The following DCAF6 variants were observed in gnomAD, a reference collection of about 807,000 sequenced individuals.
DCAF6 encodes DDB1 and CUL4 associated factor 6.
DCAF6 carries 54 observed loss-of-function variants against 125.1 expected under a neutral mutation model. The ratio of observed to expected loss-of-function variants is 0.43; its 90% CI spans 0.35 to 0.54. The LOEUF (loss-of-function observed/expected upper bound fraction) is 0.54, where lower values mean the gene tolerates loss of function less well. DCAF6 is among the 20% of genes least tolerant of loss of function. DCAF6 has a pLI of 0.01. For synonymous variants in DCAF6, 371 were observed against 390.4 expected (o/e 0.95, Z 0.58); for missense variants, 934 against 1,161.7 (o/e 0.80, Z 2.85).
At chr1:168,035,560 C>T (rs1687697044) in intron 12 of DCAF6, among the ~76,000 whole-genome samples, 1 of 152,170 alleles carries the variant, frequency 6.6e-6, no homozygotes, top group Non-Finnish European at 1.5e-5. Flanking sequence ...GAAATAACTA[C>T]ACTCAGGGAC....
chr1:167,944,835 G>C (rs1253555868), intron 1 of DCAF6, among the ~76,000 whole-genome samples: 1 of 152,070 alleles, frequency 6.6e-6, no homozygotes, highest in Non-Finnish European at 1.5e-5. Flanking sequence ...CTGTTTTCTA[G>C]TATCTTTATA....
At chr1:168,035,472 C>T (rs1032781529) in intron 12 of DCAF6, among the ~76,000 whole-genome samples, 8 of 152,076 alleles carry the variant, frequency 5.3e-5, no homozygotes, top group Non-Finnish European at 1.0e-4. Flanking sequence ...ACAAAACAAC[C>T]TGGAGTTGAA....
chr1:168,041,176 T>C (rs978632174), intron 13 of DCAF6, among the ~76,000 whole-genome samples: 3 of 152,080 alleles, frequency 2.0e-5, no homozygotes, highest in African/African-American at 7.2e-5. Flanking sequence ...AGCACATTGA[T>C]TGGCACCTGA....
At chr1:167,961,282 G>T (rs982626920) in intron 2 of DCAF6, among the ~76,000 whole-genome samples, 1 of 151,852 alleles carries the variant, frequency 6.6e-6, no homozygotes, top group African/African-American at 2.4e-5. Context: ...TTGCTCTGTC[G>T]CCCAGGCTGG....
At chr1:167,963,529 C>T (rs111523265) in intron 2 of DCAF6, among the ~76,000 whole-genome samples, 16,230 of 150,888 alleles carry the variant, frequency 0.11, 983 homozygotes, top group African/African-American at 0.16. Context: ...CTACCTCCGC[C>T]TCCCAGGTTC....
chr1:168,022,836 C>A, intron 11 of DCAF6, 152 bp from the exon 12 acceptor site: 1 of 691,510 alleles, frequency 1.4e-6, no homozygotes, highest in Non-Finnish European at 2.6e-6. Flanking sequence ...AAGCACATGG[C>A]CCTGCTTACT....
At chr1:168,018,002 T>A (rs1000832426) in intron 11 of DCAF6, among the ~76,000 whole-genome samples, 15 of 152,316 alleles carry the variant, frequency 9.8e-5, no homozygotes, top group Non-Finnish European at 1.3e-4. Context: ...CAAGAAATTT[T>A]AAAAAGTATA....
At chr1:167,885,333 G>C in the DCAF6 span, among the ~76,000 whole-genome samples, 2 of 152,124 alleles carry the variant, frequency 1.3e-5, no homozygotes, top group Non-Finnish European at 2.9e-5. Flanking sequence ...TTGTATGGTA[G>C]CTCTATTTTT....
intron 4 of DCAF6, among the ~76,000 whole-genome samples, chr1:167,986,738 G>T (rs1180597680): frequency 2.0e-5 from 3 of 152,146 alleles, no homozygotes; most frequent in African/African-American, 7.2e-5. Context: ...CTCACCTGCT[G>T]CTCACTACCT....
intron 12 of DCAF6, among the ~76,000 whole-genome samples, chr1:168,026,140 G>A (rs1456284624): frequency 6.6e-6 from 1 of 151,926 alleles, no homozygotes; most frequent in African/African-American, 2.4e-5. Flanking sequence ...TTCTTCCTTT[G>A]TGACTTGTTA....
chr1:167,936,112 G>A (rs948019576), upstream of DCAF6: 6 of 526,596 alleles, frequency 1.1e-5, no homozygotes, highest in African/African-American at 7.7e-5. Flanking sequence ...CATGGCAACA[G>A]GTGCCAAAAT....
the DCAF6 span, chr1:167,870,514 C>T: frequency 5.7e-5 from 61 of 1,065,200 alleles, no homozygotes; most frequent in Admixed American, 1.0e-4. Context: ...ATCCTTGGGC[C>T]AGGCGCTGTG....
At chr1:168,034,415 G>A (rs148860537) in intron 12 of DCAF6, among the ~76,000 whole-genome samples, 419 of 152,298 alleles carry the variant, frequency 2.8e-3, no homozygotes, top group Admixed American at 7.5e-3. Context: ...GGAGGCTGAG[G>A]CAGGAGATTC....
chr1:167,889,095 A>G, the DCAF6 span, among the ~76,000 whole-genome samples: 184 of 152,130 alleles, frequency 1.2e-3, no homozygotes, highest in Non-Finnish European at 2.1e-3. Context: ...GTCTGATTAC[A>G]TAGGACTTCC....
chr1:167,969,785 A>G (rs1175759628), intron 3 of DCAF6, among the ~76,000 whole-genome samples: 1 of 152,064 alleles, frequency 6.6e-6, no homozygotes, highest in Non-Finnish European at 1.5e-5. Flanking sequence ...ATTTTTTATT[A>G]TTCTTTTTTG....
intron 17 of DCAF6, among the ~76,000 whole-genome samples, chr1:168,054,976 C>T (rs1690442379): frequency 6.6e-6 from 1 of 151,814 alleles, no homozygotes; most frequent in African/African-American, 2.4e-5. Context: ...GCCACCATGC[C>T]CGGCTAGTTT....
upstream of DCAF6, chr1:167,935,821 T>C: frequency 6.4e-7 from 1 of 1,553,550 alleles, no homozygotes; most frequent in African/African-American, 1.4e-5. Flanking sequence ...CCCGCAGGCC[T>C]CGGGCACCGG....
At chr1:167,873,199 A>T in the DCAF6 span, among the ~76,000 whole-genome samples, 1 of 152,108 alleles carries the variant, frequency 6.6e-6, no homozygotes. Flanking sequence ...TCCTAGGATG[A>T]AAAGTAAGGC....
chr1:168,021,089 G>A, intron 11 of DCAF6, among the ~76,000 whole-genome samples: 1 of 152,172 alleles, frequency 6.6e-6, no homozygotes, highest in Admixed American at 6.5e-5. Flanking sequence ...TAGTTTTGTA[G>A]AGATGACAGC....
Sources: gnomAD v4.1 joint callset for allele counts (sites outside exome capture counted in the v4.1 genomes callset) on GRCh38, gnomAD v4.1.1 for gene constraint, MANE v1.5 for transcripts, NCBI Gene and HGNC (gene_info 2026-07-23, HGNC 2026-07-21) for gene names.